MTMR7: variants seen among roughly 807,000 people sequenced by gnomAD.
MTMR7 encodes the protein myotubularin related protein 7.
A neutral mutation model predicts 81.2 loss-of-function variants in MTMR7; 76 were observed. The ratio of observed to expected loss-of-function variants is 0.94; its 90% CI spans 0.78 to 1.13. The LOEUF (loss-of-function observed/expected upper bound fraction) is 1.13, where lower values mean the gene tolerates loss of function less well. MTMR7 is among the 50% of genes most tolerant of loss of function. The pLI, the probability that MTMR7 is intolerant of heterozygous loss-of-function variation, is 0.00. For missense variants in MTMR7, 1,044 were observed against 820.0 expected (o/e 1.27, Z -3.34); for synonymous variants, 372 against 289.8 (o/e 1.28, Z -2.88).
rs747700040 is a variant in MTMR7, at chr8:17,361,132, C to G, written c.453G>C (p.Val151=). Residue 151 remains valine, a synonymous_variant, in exon 4 of 14, where the codon GTG becomes GTC. Coordinates refer to ENST00000180173, the MANE Select transcript of MTMR7 (RefSeq NM_004686.5). ...ACGCACTCACTCTGTAGTCTCTATT[C>G]ACATCGCTGAGCTGCCAGTAATGAT... ...LPNHYWQLSD[V]NRDYRVCDSY... is the part of the protein sequence containing the mutation. 1.2e-5 allele frequency: 19 copies of G among 1,614,042 alleles called. No homozygotes were observed. Among genetic ancestry groups the G allele is most frequent in the Non-Finnish European group, 1.5e-5 (18 of 1,180,038 alleles).
chr8:17,364,085 A>G (rs1643883073), intron 3 of MTMR7, among the ~76,000 whole-genome samples: 1 of 126,246 alleles, frequency 7.9e-6, no homozygotes, highest in Admixed American at 1.0e-4. Flanking sequence ...GCTGGAGTGC[A>G]GTGGCGCGAT....
At chr8:17,401,122 G>A (rs1030342178) in intron 1 of MTMR7, among the ~76,000 whole-genome samples, 2 of 152,176 alleles carry the variant, frequency 1.3e-5, no homozygotes, top group Non-Finnish European at 2.9e-5. Flanking sequence ...GTGTATGTGT[G>A]TAGGTGTGTA....
chr8:17,339,602 G>A (rs73557517), intron 6 of MTMR7, among the ~76,000 whole-genome samples: 19,878 of 152,106 alleles, frequency 0.13, 3,235 homozygotes, highest in East Asian at 0.39. Flanking sequence ...TTTTATAGCT[G>A]AATAATATTC....
At chr8:17,393,207 A>C (rs902266182) in intron 1 of MTMR7, among the ~76,000 whole-genome samples, 1 of 152,198 alleles carries the variant, frequency 6.6e-6, no homozygotes, top group East Asian at 1.9e-4. Context: ...TGCTGCTGCG[A>C]CAACTGGACT....
chr8:17,383,052 T>C (rs1479659099), intron 1 of MTMR7, among the ~76,000 whole-genome samples: 3 of 150,362 alleles, frequency 2.0e-5, no homozygotes. Context: ...CCAGGGCCTG[T>C]TGGCAGCTCA....
At chr8:17,316,780 G>A (rs373845341) in intron 7 of MTMR7, among the ~76,000 whole-genome samples, 2 of 152,130 alleles carry the variant, frequency 1.3e-5, no homozygotes, top group East Asian at 3.9e-4. Flanking sequence ...AAATATATGG[G>A]AGGATGTGCA....
At position 17,353,396 on chromosome 8, in the gene MTMR7, C is replaced by A. The variant is rs560828726; in HGVS notation, c.469-4315G>T. Among the ~76,000 whole-genome samples, 4 of 152,232 alleles carry A rather than the reference C, an allele frequency of 2.6e-5. No homozygotes were observed. The East Asian group carries it at 7.7e-4, about 29-fold the overall frequency. ...TGTCAATCTACTTAACACTCCTAAACTATACCTTAAAAATGACTAAGATGG... is the reference window on the plus strand; with the variant it reads ...TGTCAATCTACTTAACACTCCTAAAATATACCTTAAAAATGACTAAGATGG... On this transcript the variant is annotated intron_variant, in intron 4 of 13. Transcript: ENST00000180173.
At chr8:17,386,138 G>T (rs891389934) in intron 1 of MTMR7, among the ~76,000 whole-genome samples, 7 of 152,178 alleles carry the variant, frequency 4.6e-5, no homozygotes, top group African/African-American at 1.7e-4. Flanking sequence ...CACTTTGGGA[G>T]CCTGAGGCAG....
chr8:17,328,823 C>T (rs1385906932), intron 7 of MTMR7, among the ~76,000 whole-genome samples: 2 of 152,314 alleles, frequency 1.3e-5, no homozygotes, highest in Admixed American at 1.3e-4. Context: ...CATTAAATAA[C>T]AAAATTGCTT....
intron 1 of MTMR7, 141 bp from the exon 2 acceptor site, chr8:17,373,381 C>G: frequency 1.1e-6 from 1 of 942,604 alleles, no homozygotes; most frequent in East Asian, 2.7e-5. Context: ...CAAAAACTTC[C>G]CCTTAAGTTA....
At chr8:17,320,895 C>T (rs1209419507) in intron 7 of MTMR7, among the ~76,000 whole-genome samples, 1 of 152,188 alleles carries the variant, frequency 6.6e-6, no homozygotes, top group Non-Finnish European at 1.5e-5. Context: ...GGCCATGCCC[C>T]AAAGTGTTCA....
chr8:17,372,542 C>T (rs181605494), intron 2 of MTMR7, among the ~76,000 whole-genome samples: 18 of 152,042 alleles, frequency 1.2e-4, no homozygotes, highest in African/African-American at 4.3e-4. Context: ...GAGCTGAGAT[C>T]GCATCACTGC....
chr8:17,343,193 G>A (rs1330434912), intron 5 of MTMR7, among the ~76,000 whole-genome samples: 2 of 152,094 alleles, frequency 1.3e-5, no homozygotes, highest in African/African-American at 4.8e-5. Context: ...TTGGGAGGCC[G>A]AGGCGGGGGG....
At chr8:17,383,033 G>T (rs1358466909) in intron 1 of MTMR7, among the ~76,000 whole-genome samples, 1 of 150,260 alleles carries the variant, frequency 6.7e-6, no homozygotes, top group Non-Finnish European at 1.5e-5. Context: ...ATATGGGGGG[G>T]CCGGGATCCC....
intron 1 of MTMR7, among the ~76,000 whole-genome samples, chr8:17,412,485 T>C (rs1362508882): frequency 6.6e-6 from 1 of 152,212 alleles, no homozygotes; most frequent in Non-Finnish European, 1.5e-5. Context: ...TCGATCATCA[T>C]TTTCATTCTA....
intron 1 of MTMR7, among the ~76,000 whole-genome samples, chr8:17,379,172 A>C (rs1237911280): frequency 1.3e-5 from 2 of 152,166 alleles, no homozygotes; most frequent in Admixed American, 1.3e-4. Context: ...GGCCCACTAC[A>C]TTCAGGAACA....
rs183596918 is a variant in MTMR7, at chr8:17,355,253, G to A, written c.468+5864C>T. 5.3e-3 allele frequency among the ~76,000 whole-genome samples: 800 copies of A among 152,128 alleles called. 6 individuals are homozygous for A. Among genetic ancestry groups the A allele is most frequent in the Middle Eastern group, 0.01 (3 of 294 alleles). On this transcript the variant is annotated intron_variant, in intron 4 of 13. Transcript: ENST00000180173. ...AACTTGGATTTTCCTTTCTTTCAAG[G>A]CTAAAAATTCACTGCAAAAGTTAGC...
chr8:17,394,979 A>G (rs1239065616), intron 1 of MTMR7, among the ~76,000 whole-genome samples: 1 of 152,198 alleles, frequency 6.6e-6, no homozygotes, highest in Non-Finnish European at 1.5e-5. Context: ...CAGTGGCGTT[A>G]AGTACATTCA....
chr8:17,299,499 T>G lies in MTMR7; in HGVS notation c.*363A>C, dbSNP rs1307727248. The G allele has an allele frequency of 5.2e-6, 1 of 192,012 alleles. No homozygotes were observed. Among genetic ancestry groups the G allele is most frequent in the East Asian group, 1.2e-4 (1 of 8,074 alleles). The allele number at this position is 192,012 out of a possible 1,614,324, so 11.9% of individuals were successfully genotyped here. On this transcript the variant is annotated 3_prime_UTR_variant, in exon 14 of 14. Transcript: ENST00000180173. Reference sequence around the variant, plus strand: ...AAGTGAACTAAAAGAATCATGATGATCACAGATGTGAGGGAAAGGAGTGGA... The same window carrying G: ...AAGTGAACTAAAAGAATCATGATGAGCACAGATGTGAGGGAAAGGAGTGGA...
Sources: gnomAD v4.1 joint callset for allele counts (sites outside exome capture counted in the v4.1 genomes callset) on GRCh38, gnomAD v4.1.1 for gene constraint, MANE v1.5 for transcripts, NCBI Gene and HGNC (gene_info 2026-07-23, HGNC 2026-07-21) for gene names.